Variants in MAGI2 observed in about 807,000 individuals in gnomAD.
MAGI2 encodes the protein membrane-associated guanylate kinase, WW and PDZ domain-containing protein 2.
MAGI2 carries 35 observed loss-of-function variants against 133.3 expected under a neutral mutation model. That is an observed-to-expected ratio of 0.26 (90% confidence interval 0.20 to 0.35). The LOEUF (loss-of-function observed/expected upper bound fraction) is 0.35, where lower values mean the gene tolerates loss of function less well. Among genes scored for constraint, MAGI2 ranks in the 10% least tolerant of loss-of-function variants. The pLI, the probability that MAGI2 is intolerant of heterozygous loss-of-function variation, is 1.00. For missense variants in MAGI2, 1,636 were observed against 1,863.4 expected (o/e 0.88, Z 2.25); for synonymous variants, 729 against 710.6 (o/e 1.03, Z -0.41).
chr7:78,627,250 A>G lies in MAGI2; in HGVS notation c.419-11T>C. On this transcript the variant is annotated splice_polypyrimidine_tract_variant and intron_variant, in intron 2 of 21. Transcript: ENST00000354212. ...GTGGCCTTGTGGTGCCTGAATAAAG[A>G]AAAGTAAAAACAAAAGAAAGACGCT... is the stretch of plus-strand genomic sequence containing the variant. 2 of 1,525,184 alleles carry G rather than the reference A, an allele frequency of 1.3e-6. No homozygotes were observed. Among genetic ancestry groups the G allele is most frequent in the South Asian group, 1.3e-5 (1 of 76,870 alleles). The allele number at this position is 1,525,184 out of a possible 1,614,324, so 94.5% of individuals were successfully genotyped here. A position where few individuals can be genotyped will look rare whatever the true frequency, so the allele number is the denominator to read the frequency against.
At chr7:78,669,656 G>A (rs1278460661) in intron 2 of MAGI2, among the ~76,000 whole-genome samples, 1 of 152,092 alleles carries the variant, frequency 6.6e-6, no homozygotes, top group Non-Finnish European at 1.5e-5. Context: ...GATGAATATT[G>A]ATGCAAAAAT....
intron 21 of MAGI2, among the ~76,000 whole-genome samples, chr7:78,059,221 G>C (rs1038091596): frequency 3.3e-5 from 5 of 152,098 alleles, no homozygotes; most frequent in African/African-American, 1.2e-4. Context: ...ACCCCGTTCT[G>C]GTTGAATTGG....
At chr7:79,423,557 G>A (rs1256000046) in intron 1 of MAGI2, among the ~76,000 whole-genome samples, 2 of 152,032 alleles carry the variant, frequency 1.3e-5, no homozygotes, top group African/African-American at 4.8e-5. Flanking sequence ...TTTGTGAGGA[G>A]ACGAGTCTTT....
intron 21 of MAGI2, among the ~76,000 whole-genome samples, chr7:78,053,527 G>A (rs1812242184): frequency 1.3e-5 from 2 of 152,248 alleles, no homozygotes. Flanking sequence ...AGGTCAAAAA[G>A]TGAGGCCAAA....
intron 2 of MAGI2, among the ~76,000 whole-genome samples, chr7:78,725,522 G>A (rs1413827238): frequency 1.3e-5 from 2 of 152,246 alleles, no homozygotes; most frequent in Non-Finnish European, 2.9e-5. Flanking sequence ...AACTAGGCCA[G>A]GCACGGTGGC....
In MAGI2 at chr7:78,624,927, G is replaced by A. The variant is rs867304121; in HGVS notation, c.538+2193C>T. On this transcript the variant is annotated intron_variant, in intron 3 of 21. Coordinates refer to ENST00000354212, the MANE Select transcript of MAGI2 (RefSeq NM_012301.4). ...GTATTCCTTCTACTTATTAAAAAAC[G>A]TTAACTGTTAAACAGCCTCGGGCAG... Among the ~76,000 whole-genome samples, 4 of 151,824 alleles carry A rather than the reference G, an allele frequency of 2.6e-5. No homozygotes were observed. In the East Asian group the frequency reaches 7.7e-4, roughly 29 times the overall value.
At chr7:78,253,935 G>A (rs1375388516) in intron 10 of MAGI2, 2 of 152,152 alleles carry the variant, frequency 1.3e-5, no homozygotes, top group Admixed American at 1.3e-4. Flanking sequence ...TAAGCATGGT[G>A]CTAGTTCCTA....
chr7:78,589,280 A>C (rs1279033811), intron 3 of MAGI2, among the ~76,000 whole-genome samples: 4 of 152,254 alleles, frequency 2.6e-5, no homozygotes, highest in African/African-American at 9.6e-5. Context: ...TAAGAATTTT[A>C]CATAAATTAA....
chr7:79,232,159 G>T (rs911645062), intron 1 of MAGI2, among the ~76,000 whole-genome samples: 5 of 152,164 alleles, frequency 3.3e-5, no homozygotes, highest in African/African-American at 1.2e-4. Context: ...GATCATGATG[G>T]ATAAGCTTTT....
At chr7:79,211,077 A>C (rs1345535433) in intron 1 of MAGI2, among the ~76,000 whole-genome samples, 1 of 152,134 alleles carries the variant, frequency 6.6e-6, no homozygotes, top group African/African-American at 2.4e-5. Flanking sequence ...GATGTGGAAG[A>C]ATATTCATTG....
intron 10 of MAGI2, among the ~76,000 whole-genome samples, chr7:78,248,989 T>G (rs1455566150): frequency 6.6e-6 from 1 of 150,726 alleles, no homozygotes; most frequent in Admixed American, 6.6e-5. Context: ...GAAGTTAATA[T>G]CCAAAATATA....
intron 2 of MAGI2, among the ~76,000 whole-genome samples, chr7:78,704,030 A>C (rs1818349733): frequency 6.6e-6 from 1 of 152,158 alleles, no homozygotes; most frequent in Non-Finnish European, 1.5e-5. Flanking sequence ...TTTCACGACA[A>C]AGATGCCAAA....
At chr7:78,183,272 T>TA (rs1490233359) in intron 13 of MAGI2, among the ~76,000 whole-genome samples, 4 of 150,386 alleles carry the variant, frequency 2.7e-5, no homozygotes, top group Non-Finnish European at 5.9e-5. Context: ...TTTTGTATTT[T>TA]TTTTTTTTTT....
intron 1 of MAGI2, among the ~76,000 whole-genome samples, chr7:79,376,846 A>G (rs1275719695): frequency 1.7e-5 from 2 of 119,610 alleles, no homozygotes; most frequent in African/African-American, 6.8e-5. Context: ...GTGTGGGTGT[A>G]TGGCGTGTGT....
intron 18 of MAGI2, among the ~76,000 whole-genome samples, chr7:78,131,395 T>C (rs1821549501): frequency 6.6e-6 from 1 of 152,192 alleles, no homozygotes; most frequent in Non-Finnish European, 1.5e-5. Flanking sequence ...TTTGTAGAAA[T>C]ACCACCTGTG....
At chr7:78,155,862 T>C (rs1430623165) in intron 16 of MAGI2, among the ~76,000 whole-genome samples, 1 of 152,200 alleles carries the variant, frequency 6.6e-6, no homozygotes, top group Non-Finnish European at 1.5e-5. Context: ...GTAAAGAGCA[T>C]TACTAAATGC....
intron 1 of MAGI2, among the ~76,000 whole-genome samples, chr7:79,028,302 T>C (rs1466116773): frequency 2.6e-4 from 14 of 54,720 alleles, no homozygotes; most frequent in Non-Finnish European, 4.8e-4. Flanking sequence ...TGTGTGTATA[T>C]ATATATATAT....
At chr7:78,770,300 T>G (rs907429033) in intron 2 of MAGI2, among the ~76,000 whole-genome samples, 2 of 152,270 alleles carry the variant, frequency 1.3e-5, no homozygotes, top group Non-Finnish European at 2.9e-5. Flanking sequence ...AAATTAATTT[T>G]TTAAGCTTCG....
intron 2 of MAGI2, chr7:78,940,913 T>G (rs887699682): frequency 1.3e-5 from 2 of 152,162 alleles, no homozygotes; most frequent in Non-Finnish European, 2.9e-5. Context: ...AGCTATTCCC[T>G]TTGGTTTTGA....
Sources: gnomAD v4.1 joint callset for allele counts (sites outside exome capture counted in the v4.1 genomes callset) on GRCh38, gnomAD v4.1.1 for gene constraint, MANE v1.5 for transcripts, NCBI Gene and HGNC (gene_info 2026-07-23, HGNC 2026-07-21) for gene names.